Variants in STIM2 observed in about 807,000 individuals in gnomAD.
STIM2 encodes the protein stromal interaction molecule 2.
Under a neutral mutation model 85.8 loss-of-function variants are expected in STIM2, and 31 were observed. The ratio of observed to expected loss-of-function variants is 0.36; its 90% CI spans 0.27 to 0.49. STIM2 has a LOEUF of 0.49. STIM2 is among the 20% of genes least tolerant of loss of function. The pLI is 0.98. For synonymous variants in STIM2, 356 were observed against 331.1 expected (o/e 1.08, Z -0.82); for missense variants, 841 against 927.6 (o/e 0.91, Z 1.21).
chr4:27,002,161 A>G (rs1207408908), intron 5 of STIM2, 56 bp from the exon 6 acceptor site: 38 of 1,492,254 alleles, frequency 2.5e-5, no homozygotes, highest in Non-Finnish European at 3.0e-5. Context: ...GTCTTTTTGT[A>G]TTGAGGTCCT....
intron 2 of STIM2, among the ~76,000 whole-genome samples, chr4:26,929,233 A>T (rs1282547108): frequency 6.6e-6 from 1 of 152,168 alleles, no homozygotes; most frequent in Non-Finnish European, 1.5e-5. Context: ...AAACAAAATT[A>T]TGTATGTAGC....
intron 2 of STIM2, among the ~76,000 whole-genome samples, chr4:26,952,675 GCTAT>G (rs1726102786): frequency 6.6e-6 from 1 of 152,032 alleles, no homozygotes. Context: ...CAAACACTGT[GCTAT>G]CTGTTTGATA....
intron 9 of STIM2, 65 bp from the exon 10 acceptor site, chr4:27,008,699 C>T (rs1728458492): frequency 6.6e-7 from 1 of 1,505,912 alleles, no homozygotes. Context: ...CATGTATTGC[C>T]TTTTTTCAGT....
intron 2 of STIM2, among the ~76,000 whole-genome samples, chr4:26,956,649 C>A (rs571157956): frequency 1.4e-4 from 21 of 151,908 alleles, no homozygotes; most frequent in African/African-American, 5.1e-4. Flanking sequence ...ACACCATAAT[C>A]AAATGTCTTT....
rs1264456343 is a variant in STIM2, at chr4:27,018,087, A to G, written c.1763+103A>G. ...GTGCATGTTTCCATTTTCTGTTGCT[A>G]CATATCAAGGTACCACAGACTTTGC... On this transcript the variant is annotated intron_variant, in intron 11 of 11. Transcript: ENST00000467087. The G allele has an allele frequency of 5.3e-6, 8 of 1,511,268 alleles. No individual in the cohort carries two copies. The African/African-American group carries it at 5.5e-5, about 10-fold the overall frequency. The allele number at this position is 1,511,268 out of a possible 1,614,324, so 93.6% of individuals were successfully genotyped here. A position where few individuals can be genotyped will look rare whatever the true frequency, so the allele number is the denominator to read the frequency against.
chr4:26,933,077 A>G (rs1725262247), intron 2 of STIM2, among the ~76,000 whole-genome samples: 1 of 152,050 alleles, frequency 6.6e-6, no homozygotes, highest in Admixed American at 6.6e-5. Context: ...AGCTTGTGGG[A>G]GAGTGAATCT....
chr4:26,869,975 A>G (rs747774981), intron 1 of STIM2, among the ~76,000 whole-genome samples: 3 of 152,098 alleles, frequency 2.0e-5, no homozygotes, highest in Non-Finnish European at 4.4e-5. Context: ...ATTATTCAGC[A>G]TTAAAAAAGA....
intron 1 of STIM2, among the ~76,000 whole-genome samples, chr4:26,912,688 A>G (rs1285734862): frequency 2.0e-5 from 3 of 152,304 alleles, no homozygotes; most frequent in Admixed American, 1.3e-4. Flanking sequence ...TCACTTCAAT[A>G]TGATCTTTTA....
At position 27,008,911 on chromosome 4, in the gene STIM2, G is replaced by A; in HGVS notation, c.1398G>A (p.Val466=). 6.2e-7 allele frequency: 1 copy of A among 1,614,114 alleles called. No individual in the cohort carries two copies. Among genetic ancestry groups the A allele is most frequent in the Non-Finnish European group, 8.5e-7 (1 of 1,180,024 alleles). The stretch of plus-strand genomic sequence containing the variant: ...TTTATTCTGATCACAGCTGGGTGGT[G>A]ATGCCCAGAGTCTCCATTCCACCCT... The change falls in exon 10 of 12, where the codon GTG becomes GTA. Residue 466 remains valine (V), a synonymous_variant. Coordinates refer to ENST00000467087, the MANE Select transcript of STIM2 (RefSeq NM_020860.4).
At chr4:26,973,080 A>G (rs1043085567) in intron 3 of STIM2, among the ~76,000 whole-genome samples, 4 of 152,198 alleles carry the variant, frequency 2.6e-5, no homozygotes, top group Middle Eastern at 3.4e-3. Flanking sequence ...TGGGATCGGT[A>G]GTGATATCCC....
At chr4:26,892,354 G>A (rs183340999) in intron 1 of STIM2, among the ~76,000 whole-genome samples, 4 of 152,196 alleles carry the variant, frequency 2.6e-5, no homozygotes, top group Non-Finnish European at 4.4e-5. Context: ...TCTGTTTTGC[G>A]GCCATCTTTT....
intron 3 of STIM2, among the ~76,000 whole-genome samples, chr4:26,977,203 A>AC (rs1727234525): frequency 6.6e-6 from 1 of 152,150 alleles, no homozygotes; most frequent in Admixed American, 6.5e-5. Flanking sequence ...TACGGCTGAC[A>AC]CAACCTTAAA....
intron 1 of STIM2, among the ~76,000 whole-genome samples, chr4:26,872,662 G>A (rs1274171822): frequency 1.3e-5 from 2 of 152,168 alleles, no homozygotes; most frequent in South Asian, 2.1e-4. Context: ...CATATGATAA[G>A]TATTGGGGAC....
At chr4:26,886,645 A>G (rs964889157) in intron 1 of STIM2, among the ~76,000 whole-genome samples, 5 of 152,182 alleles carry the variant, frequency 3.3e-5, no homozygotes, top group African/African-American at 1.2e-4. Flanking sequence ...GCTGGTGTAG[A>G]GTAAGCAATG....
intron 3 of STIM2, among the ~76,000 whole-genome samples, chr4:26,980,854 A>T (rs1024636463): frequency 1.2e-4 from 19 of 152,162 alleles, no homozygotes; most frequent in Non-Finnish European, 7.4e-5. Flanking sequence ...AAACATCTTA[A>T]ATCCATATTA....
At chr4:26,930,029 G>T (rs1235747806) in intron 2 of STIM2, among the ~76,000 whole-genome samples, 3 of 152,036 alleles carry the variant, frequency 2.0e-5, no homozygotes, top group African/African-American at 4.8e-5. Context: ...GGAGTACTTT[G>T]GGTGCTTCAG....
At chr4:26,895,081 G>A (rs896652152) in intron 1 of STIM2, among the ~76,000 whole-genome samples, 11 of 152,186 alleles carry the variant, frequency 7.2e-5, no homozygotes, top group South Asian at 4.1e-4. Flanking sequence ...GCATGATGGC[G>A]CACGCCTGAA....
intron 1 of STIM2, among the ~76,000 whole-genome samples, chr4:26,871,955 T>C (rs980828182): frequency 6.6e-6 from 1 of 152,204 alleles, no homozygotes; most frequent in Admixed American, 6.5e-5. Flanking sequence ...GTAGATGATT[T>C]AGTCTGTTAG....
intron 1 of STIM2, among the ~76,000 whole-genome samples, chr4:26,867,036 G>T (rs780021312): frequency 6.6e-5 from 10 of 152,074 alleles, no homozygotes; most frequent in Non-Finnish European, 1.5e-4. Flanking sequence ...TGGCAATGAG[G>T]AGATAACAGA....
Sources: allele counts gnomAD v4.1 joint callset (sites outside exome capture counted in the v4.1 genomes callset), GRCh38; gene constraint gnomAD v4.1.1; transcripts MANE v1.5; gene names NCBI Gene and HGNC (gene_info 2026-07-23, HGNC 2026-07-21).